CFTR: variants seen among roughly 807,000 people sequenced by gnomAD.
The protein encoded by CFTR is cystic fibrosis transmembrane conductance regulator.
CFTR carries 181 observed loss-of-function variants against 171.6 expected under a neutral mutation model. The ratio of observed to expected loss-of-function variants is 1.05; its 90% CI spans 0.93 to 1.19. The LOEUF (loss-of-function observed/expected upper bound fraction) is 1.19, where lower values mean the gene tolerates loss of function less well. Ranked by LOEUF, CFTR falls within the 50% of genes most tolerant of loss-of-function variation. The pLI is 0.00. For missense variants in CFTR, 1,968 were observed against 1,734.7 expected, an observed-to-expected ratio of 1.13 and a Z score of -2.39; for synonymous variants, 583 against 608.0, an observed-to-expected ratio of 0.96 and a Z score of 0.60.
At chr7:117,504,507 T>G in intron 2 of CFTR, 144 bp downstream of exon 2, 1 of 616,928 alleles carries the variant, frequency 1.6e-6, no homozygotes, top group Non-Finnish European at 2.9e-6. Flanking sequence ...TAATCCCAAC[T>G]ATTTGGGAGG....
chr7:117,551,695 T>G (rs1799273741), intron 10 of CFTR, among the ~76,000 whole-genome samples: 1 of 152,222 alleles, frequency 6.6e-6, no homozygotes, highest in Non-Finnish European at 1.5e-5. Context: ...CTTGCGCTTA[T>G]GAAACTTCCT....
chr7:117,543,070 G>A (rs1283269959), intron 9 of CFTR, among the ~76,000 whole-genome samples: 3 of 152,144 alleles, frequency 2.0e-5, no homozygotes, highest in Non-Finnish European at 4.4e-5. Flanking sequence ...TTTAGTCTCT[G>A]AAGTGCAATA....
chr7:117,599,221 A>G (rs1792185349), intron 15 of CFTR, among the ~76,000 whole-genome samples: 1 of 152,182 alleles, frequency 6.6e-6, no homozygotes, highest in Non-Finnish European at 1.5e-5. Context: ...AACCCTTTAT[A>G]ATTGTTAATG....
At chr7:117,511,272 T>A (rs564832830) in intron 3 of CFTR, among the ~76,000 whole-genome samples, 1 of 152,106 alleles carries the variant, frequency 6.6e-6, no homozygotes, top group Admixed American at 6.6e-5. Context: ...GGGGAGGAAC[T>A]GTATGAAATC....
At chr7:117,551,404 A>C (rs1312876241) in intron 10 of CFTR, among the ~76,000 whole-genome samples, 3 of 152,196 alleles carry the variant, frequency 2.0e-5, no homozygotes, top group Non-Finnish European at 4.4e-5. Context: ...TGGAAGGATA[A>C]ATTTATCAAG....
intron 9 of CFTR, among the ~76,000 whole-genome samples, chr7:117,545,406 C>T (rs1455680032): frequency 6.6e-6 from 1 of 152,198 alleles, no homozygotes; most frequent in Non-Finnish European, 1.5e-5. Context: ...CTCTCAGGCT[C>T]AAGTGATAAC....
chr7:117,480,139 T>G lies in CFTR; in HGVS notation c.45T>G (p.Leu15=), dbSNP rs1212474322. The G allele has an allele frequency of 6.2e-7, 1 of 1,613,654 alleles. No individual in the cohort carries two copies. The highest frequency in any genetic ancestry group is 1.1e-5 in the South Asian group (1 of 91,046). ...PLEKASVVSK[L]FFSWTRPILR... The stretch of plus-strand genomic sequence containing the variant: ...AAAAGGCCAGCGTTGTCTCCAAACT[T>G]TTTTTCAGGTGAGAAGGTGGCCAAC... Residue 15 remains leucine (L), a synonymous_variant, in exon 1 of 27, where the codon CTT becomes CTG. Transcript: ENST00000003084.
At chr7:117,564,496 T>C (rs1791567113) in intron 11 of CFTR, 1 of 156,184 alleles carries the variant, frequency 6.4e-6, no homozygotes, top group African/African-American at 2.4e-5. Context: ...GTTTTGATCA[T>C]AAGAACTTGA....
Position 117,610,565 on chromosome 7 carries a change from A to C in CFTR, c.3035A>C (p.Gln1012Pro). ...IGAIAVVAVL[Q>P]PYIFVATVPV... ...GCTATAGCAGTTGTCGCAGTTTTACAACCCTACATCTTTGTTGCAACAGTG... is the reference window on the plus strand; with the variant it reads ...GCTATAGCAGTTGTCGCAGTTTTACCACCCTACATCTTTGTTGCAACAGTG... The change falls in exon 19 of 27, where the codon CAA becomes CCA. Residue 1012 changes from glutamine to proline, a missense_variant. Physicochemically the swap from Gln to Pro is moderately conservative, Grantham distance 76. Transcript: ENST00000003084. 1.2e-6 allele frequency: 2 copies of C among 1,613,608 alleles called. No homozygotes were observed. The highest frequency in any genetic ancestry group is 1.7e-6 in the Non-Finnish European group (2 of 1,179,678).
chr7:117,534,437 C>T (rs1308689957), intron 5 of CFTR, 72 bp downstream of exon 5: 7 of 844,802 alleles, frequency 8.3e-6, no homozygotes, highest in Admixed American at 3.6e-5. Context: ...CGGAGTTTTC[C>T]TGGGTCAGAT....
rs541705903 is a variant in CFTR at position 117,639,006 on chromosome 7, GA to G, written c.3718-3426del. Among the ~76,000 whole-genome samples, 42 of 152,106 alleles carry G rather than the reference GA, an allele frequency of 2.8e-4. No individual in the cohort carries two copies. In the South Asian group the frequency reaches 4.4e-3, roughly 16 times the overall value. On this transcript the variant is annotated intron_variant, in intron 22 of 26. Coordinates refer to ENST00000003084, the MANE Select transcript of CFTR (RefSeq NM_000492.4). The stretch of plus-strand genomic sequence containing the variant: ...GCTTTAGGCTGCCCTTCTTGGGGGG[GA>G]AAAAAGCAGTTGAAATTTAGGACTT...
intron 11 of CFTR, chr7:117,564,824 A>G (rs1255136435): frequency 1.8e-5 from 3 of 162,768 alleles, no homozygotes; most frequent in Non-Finnish European, 4.4e-5. Flanking sequence ...GAAAGCATGC[A>G]CAACATATTT....
intron 3 of CFTR, among the ~76,000 whole-genome samples, chr7:117,522,125 C>A (rs1018141642): frequency 6.6e-6 from 1 of 152,180 alleles, no homozygotes; most frequent in African/African-American, 2.4e-5. Flanking sequence ...GGAATGCAAT[C>A]ACTTGAGCTG....
intron 17 of CFTR, 46 bp downstream of exon 17, chr7:117,603,828 T>C (rs1186154598): frequency 1.9e-6 from 3 of 1,606,496 alleles, no homozygotes; most frequent in Admixed American, 1.7e-5. Flanking sequence ...CCACCATCAA[T>C]AGGGCCTGTG....
intron 24 of CFTR, among the ~76,000 whole-genome samples, chr7:117,661,998 A>C (rs994432964): frequency 6.6e-5 from 10 of 151,986 alleles, no homozygotes; most frequent in Non-Finnish European, 1.2e-4. Flanking sequence ...AAAAAAAAAA[A>C]AAAAAAAACC....
intron 3 of CFTR, among the ~76,000 whole-genome samples, chr7:117,530,657 C>T (rs1347836295): frequency 6.6e-6 from 1 of 152,152 alleles, no homozygotes; most frequent in Non-Finnish European, 1.5e-5. Context: ...CCACTATTCA[C>T]TGTTTAACTT....
At chr7:117,551,655 T>A (rs1047814936) in intron 10 of CFTR, among the ~76,000 whole-genome samples, 5 of 152,228 alleles carry the variant, frequency 3.3e-5, no homozygotes, top group African/African-American at 1.2e-4. Context: ...TAGATTTTTG[T>A]TTGTAGTTGT....
At chr7:117,637,148 C>T (rs1792838570) in intron 22 of CFTR, among the ~76,000 whole-genome samples, 1 of 151,884 alleles carries the variant, frequency 6.6e-6, no homozygotes, top group African/African-American at 2.4e-5. Context: ...GTTTTAAATT[C>T]CTGATCTGTT....
At chr7:117,619,524 C>G (rs1243164818) in intron 21 of CFTR, among the ~76,000 whole-genome samples, 2 of 152,154 alleles carry the variant, frequency 1.3e-5, no homozygotes, top group Non-Finnish European at 2.9e-5. Context: ...TTTTGTTGAT[C>G]AAGTGACTGA....
Sources: allele counts gnomAD v4.1 joint callset (sites outside exome capture counted in the v4.1 genomes callset), GRCh38; gene constraint gnomAD v4.1.1; transcripts MANE v1.5; gene names NCBI Gene and HGNC (gene_info 2026-07-23, HGNC 2026-07-21).